The following CCT3 variants were observed in gnomAD, a reference collection of about 807,000 sequenced individuals.
The protein encoded by CCT3 is chaperonin containing TCP1 subunit 3.
CCT3 carries 10 observed loss-of-function variants against 65.3 expected under a neutral mutation model. That is an observed-to-expected ratio of 0.15 (90% confidence interval 0.09 to 0.26). The LOEUF (loss-of-function observed/expected upper bound fraction) is 0.26, where lower values mean the gene tolerates loss of function less well. CCT3 is among the 10% of genes least tolerant of loss of function. The probability of loss-of-function intolerance (pLI) is 1.00; values close to 1 mark genes in which losing one functional copy is unlikely to be tolerated. For missense variants in CCT3, 626 were observed against 708.7 expected (o/e 0.88, Z 1.33); for synonymous variants, 225 against 242.3 (o/e 0.93, Z 0.66).
chr1:156,331,714 T>C (rs1665104051), intron 5 of CCT3, among the ~76,000 whole-genome samples: 1 of 149,222 alleles, frequency 6.7e-6, no homozygotes, highest in African/African-American at 2.5e-5. Context: ...AATAAATAAA[T>C]AAAATTAGCA....
At chr1:156,327,156 TAAAG>T (rs777772379) in intron 5 of CCT3, among the ~76,000 whole-genome samples, 4 of 152,222 alleles carry the variant, frequency 2.6e-5, no homozygotes, top group South Asian at 2.1e-4. Flanking sequence ...AGAAAAAGTA[TAAAG>T]AGAGTATTGT....
chr1:156,313,521 T>TA (rs1390034891), intron 10 of CCT3, among the ~76,000 whole-genome samples: 1 of 152,168 alleles, frequency 6.6e-6, no homozygotes, highest in African/African-American at 2.4e-5. Context: ...GCAAAGGAGT[T>TA]AGCCTGTCCC....
chr1:156,319,562 C>T (rs1310163234), intron 7 of CCT3, among the ~76,000 whole-genome samples: 1 of 152,070 alleles, frequency 6.6e-6, no homozygotes, highest in Non-Finnish European at 1.5e-5. Flanking sequence ...AATTCAATGA[C>T]TTGACAAAAG....
At chr1:156,336,147 T>C in intron 1 of CCT3, 1 of 385,382 alleles carries the variant, frequency 2.6e-6, no homozygotes. Context: ...AACTTTGGAA[T>C]CTTGGTTAAT....
At chr1:156,335,735 A>G (rs1665309737) in intron 2 of CCT3, 92 bp downstream of exon 2, 6 of 1,009,280 alleles carry the variant, frequency 5.9e-6, no homozygotes, top group African/African-American at 3.2e-5. Flanking sequence ...CCTACTCTAT[A>G]AAGTCTAGAT....
intron 10 of CCT3, among the ~76,000 whole-genome samples, chr1:156,312,574 C>T (rs1484253626): frequency 6.6e-6 from 1 of 151,852 alleles, no homozygotes; most frequent in Non-Finnish European, 1.5e-5. Flanking sequence ...TGAGGGATCC[C>T]TTGAAACCAT....
At chr1:156,309,402 A>G (rs1663974510) in intron 13 of CCT3, 99 bp from the exon 14 acceptor site, 1 of 792,760 alleles carries the variant, frequency 1.3e-6, no homozygotes, top group Admixed American at 2.1e-5. Context: ...TGGAACTGCC[A>G]TTTTGTCTGA....
intron 11 of CCT3, among the ~76,000 whole-genome samples, chr1:156,311,417 G>C (rs1664079957): frequency 6.6e-6 from 1 of 152,152 alleles, no homozygotes; most frequent in Non-Finnish European, 1.5e-5. Flanking sequence ...AAAGGGTTTG[G>C]GGGTGTCACC....
chr1:156,311,956 C>A, intron 11 of CCT3, 85 bp downstream of exon 11: 3 of 1,111,408 alleles, frequency 2.7e-6, no homozygotes, highest in South Asian at 4.3e-5. Flanking sequence ...ATAAATGGAC[C>A]ACAGAATTAT....
At chr1:156,311,230 C>T in intron 11 of CCT3, 35 bp from the exon 12 acceptor site, 1 of 1,592,008 alleles carries the variant, frequency 6.3e-7, no homozygotes, top group Non-Finnish European at 8.6e-7. Context: ...GAAGCCAAAG[C>T]TTGATGACTC....
At chr1:156,318,028 T>C (rs1228331443) in intron 8 of CCT3, among the ~76,000 whole-genome samples, 1 of 151,440 alleles carries the variant, frequency 6.6e-6, no homozygotes, top group Non-Finnish European at 1.5e-5. Context: ...AGTTATATCA[T>C]TATAAAACAA....
chr1:156,315,111 C>A (rs968068425), intron 10 of CCT3, among the ~76,000 whole-genome samples: 1 of 152,176 alleles, frequency 6.6e-6, no homozygotes, highest in Admixed American at 6.5e-5. Context: ...AAAGACCAGC[C>A]CGTTCTTCCT....
intron 6 of CCT3, 97 bp from the exon 7 acceptor site, chr1:156,321,122 G>C: frequency 1.0e-6 from 1 of 958,226 alleles, no homozygotes; most frequent in Non-Finnish European, 1.6e-6. Flanking sequence ...AATGGACCAA[G>C]AGGCAGAACA....
At chr1:156,338,018 T>C (rs2101689351) in intron 1 of CCT3, 136 bp downstream of exon 1, 1 of 942,088 alleles carries the variant, frequency 1.1e-6, no homozygotes, top group Non-Finnish European at 1.7e-6. Context: ...AGCGGGACAC[T>C]GGGCTTCCAA....
chr1:156,309,338 A>G (rs1226484484), intron 13 of CCT3, 35 bp from the exon 14 acceptor site: 38 of 1,382,600 alleles, frequency 2.7e-5, no homozygotes, highest in Non-Finnish European at 3.6e-5. Context: ...AGAGGTCAGC[A>G]GAGAAGGAAA....
chr1:156,317,465 T>G lies in CCT3; in HGVS notation c.842A>C (p.Asp281Ala), dbSNP rs1664357076. The change falls in exon 9 of 14, where the codon GAC becomes GCC. Residue 281 changes from aspartate (D) to alanine (A), a missense_variant. Physicochemically the swap from Asp to Ala is moderately radical, Grantham distance 126 (BLOSUM62 -2). Coordinates refer to ENST00000295688, the MANE Select transcript of CCT3 (RefSeq NM_005998.5). ...EEEYIQQLCE[D>A]IIQLKPDVVI... is the part of the protein sequence containing the mutation. ...CACATCGGGCTTCAGTTGGATAATG[T>G]CCTCACAGAGCTGCTGGATGTACTC... 3 of 1,613,966 alleles carry G rather than the reference T, an allele frequency of 1.9e-6. No homozygotes were observed. Among genetic ancestry groups the G allele is most frequent in the Non-Finnish European group, 2.5e-6 (3 of 1,179,932 alleles).
Position 156,311,210 on chromosome 1 carries a change from CAG to C in CCT3, c.1156-17_1156-16del, listed in dbSNP as rs780249103. On this transcript the variant is annotated splice_polypyrimidine_tract_variant and intron_variant, in intron 11 of 13. Coordinates refer to ENST00000295688, the MANE Select transcript of CCT3 (RefSeq NM_005998.5). ...CGTTCTACTTCCTTGGAGAAGCAAA[CAG>C]ACAGTATGAAGCCAAAGCTTGATGA... is the stretch of plus-strand genomic sequence containing the variant. 2.2e-4 allele frequency: 351 copies of C among 1,612,166 alleles called. No homozygotes were observed. Among genetic ancestry groups the C allele is most frequent in the Non-Finnish European group, 1.8e-4 (210 of 1,179,026 alleles).
At position 156,320,912 on chromosome 1, in the gene CCT3, G is replaced by A. The variant is rs1558267830; in HGVS notation, c.536C>T (p.Ala179Val). The change falls in exon 7 of 14, where the codon GCT becomes GTT. Residue 179 changes from alanine (A) to valine (V), a missense_variant. Ala to Val is a moderately conservative substitution (Grantham distance 64). Coordinates refer to ENST00000295688, the MANE Select transcript of CCT3 (RefSeq NM_005998.5). ...SSLACNIALD[A>V]VKMVQFEENG... is the part of the protein sequence containing the mutation. ...CTCCTCAAACTGTACCATCTTGACA[G>A]CATCCAGGGCAATGTTGCAAGCCAA... 1 of 1,613,704 alleles carries A rather than the reference G, an allele frequency of 6.2e-7. No homozygotes were observed. Among genetic ancestry groups the A allele is most frequent in the South Asian group, 1.1e-5 (1 of 91,046 alleles).
chr1:156,330,399 C>A (rs952085876), intron 5 of CCT3, among the ~76,000 whole-genome samples: 1 of 152,124 alleles, frequency 6.6e-6, no homozygotes, highest in Non-Finnish European at 1.5e-5. Context: ...CTATGGCTCA[C>A]GCCTGTAATC....
Sources: allele counts gnomAD v4.1 joint callset (sites outside exome capture counted in the v4.1 genomes callset), GRCh38; gene constraint gnomAD v4.1.1; transcripts MANE v1.5; gene names NCBI Gene and HGNC (gene_info 2026-07-23, HGNC 2026-07-21).